The following NMBR variants were observed in gnomAD, a reference collection of about 807,000 sequenced individuals.
The protein encoded by NMBR is neuromedin B receptor, also known as neuromedin-B receptor.
Under a neutral mutation model 20.5 loss-of-function variants are expected in NMBR, and 16 were observed. That is an observed-to-expected ratio of 0.78 (90% CI 0.53 to 1.19). The LOEUF (loss-of-function observed/expected upper bound fraction) is 1.19, where lower values mean the gene tolerates loss of function less well. Ranked by LOEUF, NMBR falls within the 50% of genes most tolerant of loss-of-function variation. The probability of loss-of-function intolerance (pLI) is 0.00; values close to 1 mark genes in which losing one functional copy is unlikely to be tolerated. For missense variants in NMBR, 582 were observed against 499.1 expected (o/e 1.17, Z -1.58); for synonymous variants, 212 against 196.6 (o/e 1.08, Z -0.65).
Position 142,076,831 on chromosome 6 carries a change from C to T in NMBR, c.772-782G>A, listed in dbSNP as rs182470945. Among the ~76,000 whole-genome samples, 27 of 152,180 alleles carry T rather than the reference C, an allele frequency of 1.8e-4. No individual in the cohort carries two copies. In the East Asian group the frequency reaches 5.2e-3, roughly 29 times the overall value. On this transcript the variant is annotated intron_variant, in intron 3 of 3. Transcript: ENST00000258042. Reference sequence around the variant, plus strand: ...ATTAAACCAACATGGACATGGAATACCAATTTATTGAAAGACATTGGTAGT... The same window carrying T: ...ATTAAACCAACATGGACATGGAATATCAATTTATTGAAAGACATTGGTAGT...
At chr6:142,136,139 A>G (rs1408944733) in intron 1 of NMBR, among the ~76,000 whole-genome samples, 1 of 152,110 alleles carries the variant, frequency 6.6e-6, no homozygotes, top group Non-Finnish European at 1.5e-5. Context: ...CTATTTCTCC[A>G]CATCCTCTCC....
chr6:142,096,269 T>C (rs1228403126), intron 1 of NMBR, among the ~76,000 whole-genome samples: 1 of 152,198 alleles, frequency 6.6e-6, no homozygotes, highest in Admixed American at 6.5e-5. Context: ...AGATCTTTCC[T>C]GCTTTCTCTA....
intron 1 of NMBR, among the ~76,000 whole-genome samples, chr6:142,102,163 C>A (rs531786417): frequency 5.9e-5 from 9 of 151,826 alleles, no homozygotes; most frequent in Non-Finnish European, 1.3e-4. Flanking sequence ...CTGAGGCAGG[C>A]GGATCACGAG....
chr6:142,107,843 C>T (rs1474959623), intron 1 of NMBR, among the ~76,000 whole-genome samples: 1 of 150,244 alleles, frequency 6.7e-6, no homozygotes, highest in East Asian at 2.0e-4. Flanking sequence ...GGTATGAGGA[C>T]AATGTCTCAA....
intron 1 of NMBR, chr6:142,134,986 A>G (rs1413600128): frequency 2.1e-6 from 1 of 473,624 alleles, no homozygotes; most frequent in African/African-American, 2.0e-5. Flanking sequence ...TATCTTACTC[A>G]GTGAGTACAA....
At chr6:142,114,186 G>T (rs1777814432) in intron 1 of NMBR, among the ~76,000 whole-genome samples, 1 of 152,114 alleles carries the variant, frequency 6.6e-6, no homozygotes, top group Non-Finnish European at 1.5e-5. Flanking sequence ...AAGAGGATTT[G>T]AATGAGCCCA....
intron 1 of NMBR, among the ~76,000 whole-genome samples, chr6:142,121,298 C>T (rs924021216): frequency 8.6e-5 from 13 of 151,910 alleles, no homozygotes; most frequent in African/African-American, 3.1e-4. Flanking sequence ...AAATAATAAC[C>T]CAACAAAGGC....
chr6:142,133,472 G>T (rs921390849), intron 1 of NMBR, among the ~76,000 whole-genome samples: 17 of 152,016 alleles, frequency 1.1e-4, no homozygotes, highest in African/African-American at 3.9e-4. Context: ...AACATTATTT[G>T]GTTGTTAAGA....
intron 1 of NMBR, among the ~76,000 whole-genome samples, chr6:142,101,079 T>C (rs1274574772): frequency 6.6e-6 from 1 of 152,108 alleles, no homozygotes; most frequent in East Asian, 1.9e-4. Context: ...AGAAGGAGAT[T>C]TACGGACAGA....
At chr6:142,134,791 G>T (rs1478905243) in intron 1 of NMBR, 4 of 684,696 alleles carry the variant, frequency 5.8e-6, no homozygotes, top group Non-Finnish European at 1.1e-5. Flanking sequence ...AAGATGCATG[G>T]TTCCAGAACA....
intron 1 of NMBR, chr6:142,134,094 G>A: frequency 1.8e-6 from 1 of 558,082 alleles, no homozygotes; most frequent in South Asian, 2.6e-5. Flanking sequence ...CTCTTTAAAT[G>A]TAAAATAATG....
chr6:142,103,657 C>A (rs1394014817), intron 1 of NMBR, among the ~76,000 whole-genome samples: 1 of 152,140 alleles, frequency 6.6e-6, no homozygotes, highest in African/African-American at 2.4e-5. Flanking sequence ...CCAGTTGTTT[C>A]TCCAATTTAT....
chr6:142,097,218 A>G (rs982468006), intron 1 of NMBR, among the ~76,000 whole-genome samples: 5 of 152,020 alleles, frequency 3.3e-5, no homozygotes, highest in African/African-American at 1.2e-4. Flanking sequence ...TGTCATTATG[A>G]TGTTAGCTGG....
At chr6:142,100,127 C>T (rs537836170) in intron 1 of NMBR, among the ~76,000 whole-genome samples, 7 of 152,288 alleles carry the variant, frequency 4.6e-5, no homozygotes, top group South Asian at 4.1e-4. Context: ...ATGGTGAAAA[C>T]GCAAAATTTG....
chr6:142,081,880 T>C (rs552494654), intron 2 of NMBR, among the ~76,000 whole-genome samples: 11 of 152,292 alleles, frequency 7.2e-5, no homozygotes, highest in African/African-American at 2.6e-4. Context: ...AACTAAATAC[T>C]AGAGAATGTT....
At chr6:142,086,674 T>G (rs998350965) in intron 2 of NMBR, among the ~76,000 whole-genome samples, 2 of 152,154 alleles carry the variant, frequency 1.3e-5, no homozygotes, top group African/African-American at 4.8e-5. Flanking sequence ...GAATATATGA[T>G]GCACAAATGA....
At chr6:142,097,166 A>G (rs889897112) in intron 1 of NMBR, among the ~76,000 whole-genome samples, 13 of 152,068 alleles carry the variant, frequency 8.5e-5, no homozygotes, top group Non-Finnish European at 1.3e-4. Flanking sequence ...CATTTAGCCC[A>G]TTTACATTTA....
intron 1 of NMBR, among the ~76,000 whole-genome samples, chr6:142,125,156 A>C (rs753195499): frequency 1.3e-5 from 2 of 151,856 alleles, no homozygotes; most frequent in African/African-American, 2.4e-5. Flanking sequence ...CCCTCTGTGA[A>C]ACATACCATT....
chr6:142,080,521 G>C (rs1582835494), intron 2 of NMBR, among the ~76,000 whole-genome samples: 1 of 151,934 alleles, frequency 6.6e-6, no homozygotes, highest in South Asian at 2.1e-4. Flanking sequence ...TGCTGCTCAG[G>C]CTGGTCTCAT....
Sources: allele counts gnomAD v4.1 joint callset (sites outside exome capture counted in the v4.1 genomes callset), GRCh38; gene constraint gnomAD v4.1.1; transcripts MANE v1.5; gene names NCBI Gene and HGNC (gene_info 2026-07-23, HGNC 2026-07-21).